The following LMBR1L variants were observed in gnomAD, a reference collection of about 807,000 sequenced individuals.
The protein encoded by LMBR1L is protein LMBR1L.
In LMBR1L, 47 loss-of-function variants were observed where a neutral mutation model predicts 67.3. That is an observed-to-expected ratio of 0.70 (90% confidence interval 0.55 to 0.89). LMBR1L has a LOEUF of 0.89. Among genes scored for constraint, LMBR1L ranks in the 40% least tolerant of loss-of-function variants. The pLI, the probability that LMBR1L is intolerant of heterozygous loss-of-function variation, is 0.00. For missense variants in LMBR1L, 533 were observed against 599.2 expected, an observed-to-expected ratio of 0.89 and a Z score of 1.15; for synonymous variants, 247 against 250.3, an observed-to-expected ratio of 0.99 and a Z score of 0.13.
At chr12:49,110,388 C>A in intron 1 of LMBR1L, 96 bp downstream of exon 1, 4 of 1,223,360 alleles carry the variant, frequency 3.3e-6, no homozygotes, top group South Asian at 2.4e-5. Flanking sequence ...CTGGCCCAGG[C>A]ATGGTTTGAC....
intron 1 of LMBR1L, among the ~76,000 whole-genome samples, chr12:49,107,865 A>G (rs1237483349): frequency 6.6e-6 from 1 of 152,258 alleles, no homozygotes; most frequent in African/African-American, 2.4e-5. Flanking sequence ...ACTGTGGCTC[A>G]TACCTGTAAT....
Position 49,106,938 on chromosome 12 carries a change from A to C in LMBR1L, c.157+23T>G, listed in dbSNP as rs767611576. ...GGTCCATGGCAACAGGGACTCTAGCAGGAGGGAGGGAAATCAAAGTACCTG... is the reference window on the plus strand; with the variant it reads ...GGTCCATGGCAACAGGGACTCTAGCCGGAGGGAGGGAAATCAAAGTACCTG... On this transcript the variant is annotated intron_variant, in intron 2 of 16. Coordinates refer to ENST00000267102, the MANE Select transcript of LMBR1L (RefSeq NM_018113.4). The C allele has an allele frequency of 9.7e-5, 151 of 1,563,476 alleles. 4 individuals are homozygous for C. In the South Asian group the frequency reaches 1.7e-3, roughly 17 times the overall value.
At chr12:49,106,072 G>T in intron 2 of LMBR1L, 115 bp from the exon 3 acceptor site, 1 of 850,500 alleles carries the variant, frequency 1.2e-6, no homozygotes, top group Non-Finnish European at 1.9e-6. Context: ...AGAAGGCAGA[G>T]CTGAACAGGA....
chr12:49,102,786 G>C, intron 8 of LMBR1L, 101 bp downstream of exon 8: 4 of 1,127,192 alleles, frequency 3.5e-6, no homozygotes, highest in Non-Finnish European at 5.3e-6. Context: ...GTAGCTCTCT[G>C]CAAGTTGTGT....
At chr12:49,100,678 T>C in intron 13 of LMBR1L, 32 bp from the exon 14 acceptor site, 1 of 1,514,418 alleles carries the variant, frequency 6.6e-7, no homozygotes, top group South Asian at 1.1e-5. Context: ...ACTGGCTGGC[T>C]CCAAGAATTA....
At position 49,100,313 on chromosome 12, in the gene LMBR1L, A is replaced by T; in HGVS notation, c.1240+75T>A. 4.5e-6 allele frequency: 5 copies of T among 1,114,374 alleles called. No homozygotes were observed. In the South Asian group the frequency reaches 6.2e-5, roughly 14 times the overall value. 69.0% of individuals were successfully genotyped at this position (1,114,374 alleles called of 1,614,324 possible). On this transcript the variant is annotated intron_variant, in intron 15 of 16. Transcript: ENST00000267102. The stretch of plus-strand genomic sequence containing the variant: ...GTTGTGGGAATTAGAGAAATTATGT[A>T]TATAAAGTGCCTGCTTTGCATCAGT...
chr12:49,104,387 C>T (rs994126619), intron 5 of LMBR1L, 61 bp downstream of exon 5: 3 of 1,222,044 alleles, frequency 2.5e-6, no homozygotes, highest in African/African-American at 3.0e-5. Flanking sequence ...ATTAAAATCT[C>T]TTCAGCTGAA....
intron 5 of LMBR1L, 77 bp downstream of exon 5, chr12:49,104,371 C>T: frequency 9.2e-7 from 1 of 1,089,412 alleles, no homozygotes; most frequent in South Asian, 1.3e-5. Flanking sequence ...TGCAAATAGC[C>T]TCTTTATTAA....
Position 49,102,457 on chromosome 12 carries a change from C to T in LMBR1L, c.769+11G>A, listed in dbSNP as rs192520010. On this transcript the variant is annotated intron_variant, in intron 9 of 16. Coordinates refer to ENST00000267102, the MANE Select transcript of LMBR1L (RefSeq NM_018113.4). ...AGCCTACCACCCCAGCAGGGAAGAA[C>T]TGCAACTTACTACAGATCCTGCGGG... 4 of 1,614,184 alleles carry T rather than the reference C, an allele frequency of 2.5e-6. No homozygotes were observed. In the African/African-American group the frequency reaches 4.0e-5, roughly 16 times the overall value.
chr12:49,101,542 G>C lies in LMBR1L; in HGVS notation c.938C>G (p.Ser313Cys), dbSNP rs1395502962. The C allele has an allele frequency of 5.0e-6, 8 of 1,612,738 alleles. No individual in the cohort carries two copies. The highest frequency in any genetic ancestry group is 5.9e-6 in the Non-Finnish European group (7 of 1,179,328). ...MLCLLVLTGLSVLIVAIHILE... is the reference protein window; with the variant it reads ...MLCLLVLTGLCVLIVAIHILE... ...GATGTGGATGGCCACAATGAGCACAGACAGGCCCTGTGTGAGGCAAGGTCA... is the reference window on the plus strand; with the variant it reads ...GATGTGGATGGCCACAATGAGCACACACAGGCCCTGTGTGAGGCAAGGTCA... Residue 313 changes from serine (S) to cysteine (C), a missense_variant, in exon 12 of 17, where the codon TCT becomes TGT. By Grantham distance (112) the Ser-to-Cys change is moderately radical. Around this residue, in one of 3 missense-constraint regions of LMBR1L, gnomAD observed 223 missense variants for 241.2 expected, o/e 0.92. Transcript: ENST00000267102.
intron 15 of LMBR1L, among the ~76,000 whole-genome samples, chr12:49,098,620 T>C (rs568008405): frequency 1.3e-5 from 2 of 152,174 alleles, no homozygotes; most frequent in Non-Finnish European, 2.9e-5. Context: ...TAACATTTAC[T>C]GGTCCCCTCA....
In LMBR1L at chr12:49,097,969, C is replaced by A; in HGVS notation, c.1377G>T (p.Val459=). ...LCLVKTFTAA[V]RAELIRAFGL... ...CAAAGGCCCGGATCAGCTCTGCCCGCACAGCTGCAGTGAAGGTCTTCACCA... is the reference window on the plus strand; with the variant it reads ...CAAAGGCCCGGATCAGCTCTGCCCGAACAGCTGCAGTGAAGGTCTTCACCA... The change falls in exon 16 of 17, where the codon GTG becomes GTT. Residue 459 remains valine (V), a synonymous_variant. Coordinates refer to ENST00000267102, the MANE Select transcript of LMBR1L (RefSeq NM_018113.4). The A allele has an allele frequency of 6.2e-7, 1 of 1,613,690 alleles. No homozygotes were observed. The highest frequency in any genetic ancestry group is 8.5e-7 in the Non-Finnish European group (1 of 1,179,616).
chr12:49,100,992 G>C, intron 13 of LMBR1L: 1 of 680,556 alleles, frequency 1.5e-6, no homozygotes, highest in South Asian at 2.0e-5. Context: ...GCCTCCCAAA[G>C]TGCTAGGATT....
chr12:49,100,577 C>A lies in LMBR1L; in HGVS notation c.1152G>T (p.Trp384Cys). 6.2e-7 allele frequency: 1 copy of A among 1,614,132 alleles called. No homozygotes were observed. Among genetic ancestry groups the A allele is most frequent in the Non-Finnish European group, 8.5e-7 (1 of 1,180,004 alleles). Residue 384 changes from tryptophan (W) to cysteine (C), a missense_variant, in exon 14 of 17, where the codon TGG (tryptophan) becomes TGT (cysteine). Trp to Cys is a radical substitution (Grantham distance 215). Transcript: ENST00000267102. ...SPLFRSLRPR[W>C]HDTAMTQIIG... is the part of the protein sequence containing the mutation. ...CTACCTGCGTCATGGCAGTGTCGTG[C>A]CATCTGGGCCGCAGGCTCCGGAAGA...
intron 5 of LMBR1L, 125 bp downstream of exon 5, chr12:49,104,323 C>T: frequency 1.3e-6 from 1 of 749,750 alleles, no homozygotes. Flanking sequence ...TGACTTCCTA[C>T]TGTCACTAGA....
chr12:49,110,301 C>T, intron 1 of LMBR1L, 183 bp downstream of exon 1: 1 of 626,534 alleles, frequency 1.6e-6, no homozygotes, highest in Non-Finnish European at 2.8e-6. Flanking sequence ...CGCTCAGGGA[C>T]CCAGCTGATC....
chr12:49,106,162 G>C (rs896462119), intron 2 of LMBR1L: 14 of 571,220 alleles, frequency 2.5e-5, no homozygotes, highest in Non-Finnish European at 3.7e-5. Context: ...GTGGTCCCAG[G>C]TGAAGAGAAT....
intron 1 of LMBR1L, among the ~76,000 whole-genome samples, chr12:49,108,075 C>A (rs1021161661): frequency 4.6e-5 from 7 of 152,004 alleles, no homozygotes; most frequent in African/African-American, 1.5e-4. Flanking sequence ...CCAGCCTGAC[C>A]AACATGGTGG....
intron 2 of LMBR1L, 199 bp downstream of exon 2, chr12:49,106,762 G>A (rs1228085626): frequency 7.1e-6 from 6 of 845,422 alleles, no homozygotes; most frequent in Admixed American, 6.1e-5. Flanking sequence ...GATCAGAAAT[G>A]TTATATGACT....
Sources: gnomAD v4.1 joint callset for allele counts (sites outside exome capture counted in the v4.1 genomes callset) on GRCh38, gnomAD v4.1.1 for gene constraint, gnomAD v4.1.1 regional missense constraint, MANE v1.5 for transcripts, NCBI Gene and HGNC (gene_info 2026-07-23, HGNC 2026-07-21) for gene names.